CPA6: variants seen among roughly 807,000 people sequenced by gnomAD.
The protein encoded by CPA6 is carboxypeptidase A6.
CPA6 carries 58 observed loss-of-function variants against 63.3 expected under a neutral mutation model. The observed-to-expected ratio is 0.92, with a 90% CI of 0.74 to 1.14. CPA6 has a LOEUF of 1.14. Ranked by LOEUF, CPA6 falls within the 50% of genes most tolerant of loss-of-function variation. The pLI is 0.00. For missense variants in CPA6, 565 were observed against 526.6 expected (o/e 1.07, Z -0.71); for synonymous variants, 185 against 179.0 (o/e 1.03, Z -0.27).
intron 8 of CPA6, among the ~76,000 whole-genome samples, chr8:67,442,586 C>G (rs779759441): frequency 1.1e-4 from 16 of 152,070 alleles, no homozygotes; most frequent in Non-Finnish European, 2.4e-4. Flanking sequence ...TAGTAAGGTT[C>G]AACATAAAAC....
chr8:67,459,016 T>C (rs996258806), intron 8 of CPA6, among the ~76,000 whole-genome samples: 2 of 152,242 alleles, frequency 1.3e-5, no homozygotes, highest in African/African-American at 4.8e-5. Context: ...ACTCTTGCCA[T>C]ATGATCCAGC....
chr8:67,728,767 G>A (rs1424554865), intron 1 of CPA6, among the ~76,000 whole-genome samples: 1 of 152,186 alleles, frequency 6.6e-6, no homozygotes, highest in Non-Finnish European at 1.5e-5. Context: ...GAGGCACAGG[G>A]ATATTAAGTA....
chr8:67,559,375 G>T (rs967087443), intron 2 of CPA6, among the ~76,000 whole-genome samples: 2 of 151,882 alleles, frequency 1.3e-5, no homozygotes, highest in Non-Finnish European at 2.9e-5. Context: ...ACACATAGGA[G>T]ACTAGGTGGA....
At position 67,422,185 on chromosome 8, in the gene CPA6, T is replaced by G. The variant is rs771537109; in HGVS notation, c.*319A>C. On this transcript the variant is annotated 3_prime_UTR_variant, in exon 11 of 11. Coordinates refer to ENST00000297770, the MANE Select transcript of CPA6 (RefSeq NM_020361.5). ...CTAGCCTAGATCCTAATTGAGGACATGAGATTTATTGAAGGGAAATCCTCA... is the reference window on the plus strand; with the variant it reads ...CTAGCCTAGATCCTAATTGAGGACAGGAGATTTATTGAAGGGAAATCCTCA... 2.3e-5 allele frequency: 5 copies of G among 221,242 alleles called. No homozygotes were observed. Among genetic ancestry groups the G allele is most frequent in the Admixed American group, 5.3e-5 (1 of 18,938 alleles). The allele number at this position is 221,242 out of a possible 1,614,324, so 13.7% of individuals were successfully genotyped here. A position where few individuals can be genotyped will look rare whatever the true frequency, so the allele number is the denominator to read the frequency against.
Position 67,713,073 on chromosome 8 carries a change from CTGTG to C in CPA6, c.116+32937_116+32940del, listed in dbSNP as rs1165690969. On this transcript the variant is annotated intron_variant, in intron 1 of 10. Coordinates refer to ENST00000297770, the MANE Select transcript of CPA6 (RefSeq NM_020361.5). ...TTAAACTTTATAAGCATGTGTGTAT[CTGTG>C]TGTGTATGTGTGTGTGTGTGTGTAT... 6.1e-4 allele frequency among the ~76,000 whole-genome samples: 60 copies of C among 97,740 alleles called. 1 individual carries two copies. Among genetic ancestry groups the C allele is most frequent in the South Asian group, 6.1e-3 (19 of 3,132 alleles). The allele number at this position is 97,740 out of a possible 152,430, so 64.1% of individuals were successfully genotyped here.
intron 2 of CPA6, among the ~76,000 whole-genome samples, chr8:67,568,005 G>T (rs1813384322): frequency 6.6e-6 from 1 of 152,090 alleles, no homozygotes; most frequent in Admixed American, 6.5e-5. Flanking sequence ...TATCCTGCTG[G>T]ATAGAAGAGC....
chr8:67,468,635 T>TAAG (rs1167700916), intron 8 of CPA6, among the ~76,000 whole-genome samples: 10 of 146,362 alleles, frequency 6.8e-5, no homozygotes, highest in East Asian at 5.8e-4. Flanking sequence ...ATAATAATAA[T>TAAG]AAGAAAAAGA....
At chr8:67,431,924 T>C (rs1389467604) in intron 9 of CPA6, among the ~76,000 whole-genome samples, 1 of 152,120 alleles carries the variant, frequency 6.6e-6, no homozygotes, top group Non-Finnish European at 1.5e-5. Flanking sequence ...TGGTGCAGGA[T>C]TTGGAGTTTA....
chr8:67,623,797 T>C (rs1815135261), intron 2 of CPA6, among the ~76,000 whole-genome samples: 1 of 151,996 alleles, frequency 6.6e-6, no homozygotes, highest in Admixed American at 6.6e-5. Flanking sequence ...CGGTGGCTCA[T>C]GCCTGTAATG....
chr8:67,434,955 G>A (rs1244546782), intron 8 of CPA6, among the ~76,000 whole-genome samples: 2 of 152,256 alleles, frequency 1.3e-5, no homozygotes, highest in African/African-American at 4.8e-5. Flanking sequence ...AGACCCTGGA[G>A]AGCCTTGACC....
chr8:67,463,345 A>G (rs6415606), intron 8 of CPA6, among the ~76,000 whole-genome samples: 15,332 of 151,946 alleles, frequency 0.1, 1,991 homozygotes, highest in African/African-American at 0.3. Flanking sequence ...TTGGGAGGCT[A>G]AGGCAGGAGG....
chr8:67,610,218 C>T (rs544326616), intron 2 of CPA6, among the ~76,000 whole-genome samples: 11 of 151,902 alleles, frequency 7.2e-5, no homozygotes, highest in Non-Finnish European at 1.2e-4. Context: ...CTACAAAAAA[C>T]TTTTTAGAAA....
rs762703787 is a variant in CPA6 at position 67,483,694 on chromosome 8, C to T, written c.838+74G>A. The T allele has an allele frequency of 1.8e-5, 22 of 1,219,026 alleles. No homozygotes were observed. In the African/African-American group the frequency reaches 3.3e-4, roughly 18 times the overall value. The allele number at this position is 1,219,026 out of a possible 1,614,324, so 75.5% of individuals were successfully genotyped here. On this transcript the variant is annotated intron_variant, in intron 8 of 10. Coordinates refer to ENST00000297770, the MANE Select transcript of CPA6 (RefSeq NM_020361.5). ...AAAACATGAGTCTCCCATGAGAGTCCTCTGGACTCATATTTTGCAGAGTAA... is the reference window on the plus strand; with the variant it reads ...AAAACATGAGTCTCCCATGAGAGTCTTCTGGACTCATATTTTGCAGAGTAA...
chr8:67,719,864 G>T (rs548389296), intron 1 of CPA6, among the ~76,000 whole-genome samples: 5 of 152,108 alleles, frequency 3.3e-5, no homozygotes, highest in Non-Finnish European at 5.9e-5. Flanking sequence ...ATTGTATGTG[G>T]AATAAAATGA....
At chr8:67,673,342 ATC>A (rs1816389979) in intron 1 of CPA6, among the ~76,000 whole-genome samples, 1 of 141,334 alleles carries the variant, frequency 7.1e-6, no homozygotes, top group Non-Finnish European at 1.5e-5. Context: ...TTATTTTATA[ATC>A]TCTTTCAATT....
chr8:67,680,419 G>A (rs1211953246), intron 1 of CPA6, among the ~76,000 whole-genome samples: 1 of 151,698 alleles, frequency 6.6e-6, no homozygotes, highest in Non-Finnish European at 1.5e-5. Flanking sequence ...GGGAGGTCAA[G>A]GCTGACACAA....
At chr8:67,731,097 A>G (rs930166643) in intron 1 of CPA6, among the ~76,000 whole-genome samples, 2 of 152,214 alleles carry the variant, frequency 1.3e-5, no homozygotes, top group Non-Finnish European at 2.9e-5. Context: ...TGAATTGGCG[A>G]TAATTCTACT....
intron 2 of CPA6, among the ~76,000 whole-genome samples, chr8:67,608,433 G>A (rs1437359396): frequency 1.3e-5 from 2 of 152,100 alleles, no homozygotes; most frequent in Non-Finnish European, 2.9e-5. Flanking sequence ...GCCACAGGAT[G>A]GCCAAACTCC....
At chr8:67,506,730 A>G in intron 6 of CPA6, 57 bp downstream of exon 6, 1 of 1,140,898 alleles carries the variant, frequency 8.8e-7, no homozygotes, top group South Asian at 1.2e-5. Flanking sequence ...AGCAGAATAA[A>G]AACACAGGGA....
Sources: allele counts gnomAD v4.1 joint callset (sites outside exome capture counted in the v4.1 genomes callset), GRCh38; gene constraint gnomAD v4.1.1; transcripts MANE v1.5; gene names NCBI Gene and HGNC (gene_info 2026-07-23, HGNC 2026-07-21).